Variants in PFKFB2 observed in about 807,000 individuals in gnomAD.
PFKFB2 encodes 6-phosphofructo-2-kinase/fructose-2,6-bisphosphatase 2.
PFKFB2 carries 53 observed loss-of-function variants against 68.0 expected under a neutral mutation model. The observed-to-expected ratio is 0.78, with a 90% CI of 0.63 to 0.98. The LOEUF (loss-of-function observed/expected upper bound fraction) is 0.98, where lower values mean the gene tolerates loss of function less well. PFKFB2 is among the 50% of genes least tolerant of loss of function. PFKFB2 has a pLI of 0.00. For missense variants in PFKFB2, 451 were observed against 642.0 expected, an observed-to-expected ratio of 0.70 and a Z score of 3.22; for synonymous variants, 222 against 227.6, an observed-to-expected ratio of 0.98 and a Z score of 0.22.
At chr1:207,068,378 A>G in intron 10 of PFKFB2, 69 bp downstream of exon 10, 3 of 1,354,958 alleles carry the variant, frequency 2.2e-6, no homozygotes, top group Non-Finnish European at 3.0e-6. Flanking sequence ...AGAAGTCACT[A>G]TTTAGACAGT....
At chr1:207,037,117 C>T (rs1376541468) in intron 1 of PFKFB2, among the ~76,000 whole-genome samples, 1 of 152,160 alleles carries the variant, frequency 6.6e-6, no homozygotes, top group Non-Finnish European at 1.5e-5. Flanking sequence ...CTCCTTGACT[C>T]CCCTAAAACA....
Position 207,075,615 on chromosome 1 carries a change from G to C in PFKFB2, c.*3244G>C. On this transcript the variant is annotated 3_prime_UTR_variant, in exon 15 of 15. Coordinates refer to ENST00000367080, the MANE Select transcript of PFKFB2 (RefSeq NM_006212.2). The stretch of plus-strand genomic sequence containing the variant: ...TTTTGTTTTGTGAGAAATAGGTAAA[G>C]ACATTAGCATTTAATCTACTGGAAT... The C allele has an allele frequency of 5.1e-6, 5 of 985,266 alleles. No homozygotes were observed. The highest frequency in any genetic ancestry group is 6.0e-6 in the Non-Finnish European group (5 of 829,790). 61.0% of individuals were successfully genotyped at this position (985,266 alleles called of 1,614,324 possible). A position where few individuals can be genotyped will look rare whatever the true frequency, so the allele number is the denominator to read the frequency against.
Position 207,070,889 on chromosome 1 carries a change from G to C in PFKFB2, c.1223-299G>C. 1 of 355,182 alleles carries C rather than the reference G, an allele frequency of 2.8e-6. No individual in the cohort carries two copies. The highest frequency in any genetic ancestry group is 5.2e-6 in the Non-Finnish European group (1 of 191,680). The allele number at this position is 355,182 out of a possible 1,614,324, so 22.0% of individuals were successfully genotyped here. A position where few individuals can be genotyped will look rare whatever the true frequency, so the allele number is the denominator to read the frequency against. ...TCCTGAGCTGCTTGGAAGCTGTTGT[G>C]GTCAGACCTTATTGGCCTTTGCTGT... On this transcript the variant is annotated intron_variant, in intron 12 of 14. Coordinates refer to ENST00000367080, the MANE Select transcript of PFKFB2 (RefSeq NM_006212.2). The surrounding 1 kb of genome is among the most constrained non-coding windows in gnomAD (Gnocchi z 4.2).
downstream of PFKFB2, chr1:207,080,968 C>T (rs761770881): frequency 6.0e-5 from 9 of 151,050 alleles, no homozygotes; most frequent in East Asian, 5.8e-4. Context: ...CTAAAATATG[C>T]GAGTAATATG....
upstream of PFKFB2, chr1:207,049,580 T>TAA: frequency 6.2e-7 from 1 of 1,614,190 alleles, no homozygotes; most frequent in Non-Finnish European, 8.5e-7. Context: ...TACACACTAG[T>TAA]AAAGAGGCAA....
chr1:207,064,972 A>G (rs1321569354), intron 7 of PFKFB2, 64 bp from the exon 8 acceptor site: 1 of 1,538,740 alleles, frequency 6.5e-7, no homozygotes, highest in African/African-American at 1.4e-5. Flanking sequence ...AGCAGTGGCT[A>G]TTTGTAGGAG....
chr1:207,069,554 G>A (rs1558064444), intron 11 of PFKFB2, 26 bp downstream of exon 11: 1 of 1,393,862 alleles, frequency 7.2e-7, no homozygotes, highest in Non-Finnish European at 1.0e-6. Flanking sequence ...CATGTAAAGT[G>A]ACTGCCTAGA....
chr1:207,059,395 C>G (rs770366139), intron 2 of PFKFB2, among the ~76,000 whole-genome samples: 1 of 152,162 alleles, frequency 6.6e-6, no homozygotes, highest in South Asian at 2.1e-4. Flanking sequence ...GGCATTGAGC[C>G]GAGCTGGAGA....
Position 207,073,088 on chromosome 1 carries a change from G to A in PFKFB2, c.*717G>A, listed in dbSNP as rs552195030. 7 of 985,470 alleles carry A rather than the reference G, an allele frequency of 7.1e-6. No individual in the cohort carries two copies. In the East Asian group the frequency reaches 7.9e-4, roughly 112 times the overall value. 61.0% of individuals were successfully genotyped at this position (985,470 alleles called of 1,614,324 possible). On this transcript the variant is annotated 3_prime_UTR_variant, in exon 15 of 15. Coordinates refer to ENST00000367080, the MANE Select transcript of PFKFB2 (RefSeq NM_006212.2). Reference sequence around the variant, plus strand: ...TACAGGACATCCACAGAATATTCTGGAGCTTGCAAGTAGACATAGGGTGAG... The same window carrying A: ...TACAGGACATCCACAGAATATTCTGAAGCTTGCAAGTAGACATAGGGTGAG...
At chr1:207,041,102 T>G (rs1301274356) in intron 1 of PFKFB2, among the ~76,000 whole-genome samples, 1 of 152,016 alleles carries the variant, frequency 6.6e-6, no homozygotes, top group Non-Finnish European at 1.5e-5. Context: ...CTACTTTTTG[T>G]ATTTTTAGTA....
At chr1:207,068,120 G>C (rs1683353760) in intron 9 of PFKFB2, 43 bp from the exon 10 acceptor site, 1 of 1,543,316 alleles carries the variant, frequency 6.5e-7, no homozygotes, top group African/African-American at 1.4e-5. Context: ...GTGTGTGTCT[G>C]TGTGTTTTCT....
intron 12 of PFKFB2, 43 bp from the exon 13 acceptor site, chr1:207,071,145 A>G (rs755305612): frequency 1.8e-5 from 27 of 1,519,064 alleles, no homozygotes; most frequent in Non-Finnish European, 2.5e-5. Context: ...ACCTTACTCC[A>G]TAATACTAAG....
chr1:207,051,627 AAGG>A (rs752649336), upstream of PFKFB2, among the ~76,000 whole-genome samples: 7 of 152,314 alleles, frequency 4.6e-5, no homozygotes, highest in South Asian at 2.1e-4. Context: ...GTGGCAGTGT[AAGG>A]AGGAGTCGTG....
intron 1 of PFKFB2, chr1:207,034,798 C>T (rs1682346673): frequency 6.6e-6 from 1 of 152,196 alleles, no homozygotes; most frequent in Non-Finnish European, 1.5e-5. Flanking sequence ...AAGTTACTTA[C>T]AAGCCTTGAG....
At position 207,070,337 on chromosome 1, in the gene PFKFB2, G is replaced by A. The variant is rs1284455137; in HGVS notation, c.1150G>A (p.Gly384Ser). 6.2e-7 allele frequency: 1 copy of A among 1,613,798 alleles called. No homozygotes were observed. Among genetic ancestry groups the A allele is most frequent in the Non-Finnish European group, 8.5e-7 (1 of 1,179,998 alleles). The change falls in exon 12 of 15, where the codon GGC becomes AGC. Residue 384 changes from glycine to serine, a missense_variant. By Grantham distance (56) the Gly-to-Ser change is moderately conservative. Transcript: ENST00000367080. This position sits in a 1 kb window ranked among gnomAD's most constrained non-coding sequence, Gnocchi z 4.2. ...TGTCATCATGGAGCTGGAACGTCAGGGCAATGTCCTCGTCATCTCCCACCA... is the reference window on the plus strand; with the variant it reads ...TGTCATCATGGAGCTGGAACGTCAGAGCAATGTCCTCGTCATCTCCCACCA... ...EPVIMELERQGNVLVISHQAV... is the reference protein window; with the variant it reads ...EPVIMELERQSNVLVISHQAV...
upstream of PFKFB2, chr1:207,050,787 T>C (rs1370554704): frequency 6.2e-7 from 1 of 1,613,296 alleles, no homozygotes; most frequent in African/African-American, 1.3e-5. Flanking sequence ...CCGGGGGCGA[T>C]CCCGGTGATG....
intron 1 of PFKFB2, among the ~76,000 whole-genome samples, chr1:207,041,309 G>C (rs931366896): frequency 1.3e-5 from 2 of 151,182 alleles, no homozygotes; most frequent in Non-Finnish European, 2.9e-5. Flanking sequence ...AGGTATACAT[G>C]TGCCATGGTG....
Position 207,070,182 on chromosome 1 carries a change from G to T in PFKFB2, c.1093-98G>T. On this transcript the variant is annotated intron_variant, in intron 11 of 14. Coordinates refer to ENST00000367080, the MANE Select transcript of PFKFB2 (RefSeq NM_006212.2). The surrounding 1 kb of genome is among the most constrained non-coding windows in gnomAD (Gnocchi z 4.2). ...AGCCTCCAGGAGGAAAGCCAGCTGA[G>T]GAAGAAGAAGTGGCCCTTAGTCTCC... The T allele has an allele frequency of 7.0e-7, 1 of 1,428,808 alleles. No homozygotes were observed. The highest frequency in any genetic ancestry group is 9.6e-7 in the Non-Finnish European group (1 of 1,042,308). The allele number at this position is 1,428,808 out of a possible 1,614,324, so 88.5% of individuals were successfully genotyped here. A position where few individuals can be genotyped will look rare whatever the true frequency, so the allele number is the denominator to read the frequency against.
chr1:207,076,251 T>C lies in PFKFB2; in HGVS notation c.*3880T>C, dbSNP rs1683618383. 2 of 960,384 alleles carry C rather than the reference T, an allele frequency of 2.1e-6. No individual in the cohort carries two copies. Among genetic ancestry groups the C allele is most frequent in the African/African-American group, 1.8e-5 (1 of 56,492 alleles). The allele number at this position is 960,384 out of a possible 1,614,324, so 59.5% of individuals were successfully genotyped here. ...AAATTCATCTATGTTACTTTTTTTT[T>C]CTTTTTTTTTTTTTTTTATGAGCAG... is the stretch of plus-strand genomic sequence containing the variant. On this transcript the variant is annotated 3_prime_UTR_variant, in exon 15 of 15. Coordinates refer to ENST00000367080, the MANE Select transcript of PFKFB2 (RefSeq NM_006212.2).
Sources: gnomAD v4.1 joint callset for allele counts (sites outside exome capture counted in the v4.1 genomes callset) on GRCh38, gnomAD v4.1.1 for gene constraint, Gnocchi (gnomAD v3.1) non-coding constraint, MANE v1.5 for transcripts, NCBI Gene and HGNC (gene_info 2026-07-23, HGNC 2026-07-21) for gene names.